AMBRA1: variants seen among roughly 807,000 people sequenced by gnomAD.
The protein encoded by AMBRA1 is activating molecule in BECN1-regulated autophagy protein 1.
In AMBRA1, 47 loss-of-function variants were observed where a neutral mutation model predicts 125.4. That is an observed-to-expected ratio of 0.37 (90% CI 0.30 to 0.48). The LOEUF (loss-of-function observed/expected upper bound fraction) is 0.48, where lower values mean the gene tolerates loss of function less well. Among genes scored for constraint, AMBRA1 ranks in the 20% least tolerant of loss-of-function variants. AMBRA1 has a pLI of 0.99. For synonymous variants in AMBRA1, 626 were observed against 655.5 expected (o/e 0.95, Z 0.69); for missense variants, 1,331 against 1,693.4 (o/e 0.79, Z 3.76).
At chr11:46,573,707 G>A (rs2043851808) in intron 1 of AMBRA1, among the ~76,000 whole-genome samples, 1 of 145,282 alleles carries the variant, frequency 6.9e-6, no homozygotes, top group Non-Finnish European at 1.5e-5. Context: ...GGGTACATGT[G>A]CATATTGTGC....
At chr11:46,444,815 T>C (rs1325859053) in intron 11 of AMBRA1, among the ~76,000 whole-genome samples, 1 of 152,160 alleles carries the variant, frequency 6.6e-6, no homozygotes. Flanking sequence ...AGAGAAAACC[T>C]TCATAGAAGC....
chr11:46,521,019 C>T (rs1951739787), intron 7 of AMBRA1, among the ~76,000 whole-genome samples: 1 of 152,148 alleles, frequency 6.6e-6, no homozygotes, highest in Non-Finnish European at 1.5e-5. Context: ...TTATCCCCAT[C>T]AAAACTCACA....
chr11:46,491,057 A>G (rs941724938), intron 11 of AMBRA1: 5 of 152,236 alleles, frequency 3.3e-5, no homozygotes, highest in African/African-American at 1.2e-4. Flanking sequence ...GAGGGCAAGA[A>G]GGCTCAGGAA....
intron 7 of AMBRA1, among the ~76,000 whole-genome samples, chr11:46,524,633 C>T (rs1951891355): frequency 6.6e-6 from 1 of 152,170 alleles, no homozygotes; most frequent in African/African-American, 2.4e-5. Flanking sequence ...TCTTATTTCA[C>T]ATGGTTATTA....
chr11:46,555,018 G>A lies in AMBRA1; in HGVS notation c.-120-6518C>T, dbSNP rs2043122166. On this transcript the variant is annotated intron_variant, in intron 1 of 17. Transcript: ENST00000683756. ...GTCCAGGAGGTCAAGACTACAGTGA[G>A]CCATGATTGCACCGCTGCACTCTTC... 2.6e-5 allele frequency among the ~76,000 whole-genome samples: 4 copies of A among 152,206 alleles called. No homozygotes were observed. In the South Asian group the frequency reaches 8.3e-4, roughly 32 times the overall value.
At chr11:46,448,484 T>C (rs1245465544) in intron 11 of AMBRA1, among the ~76,000 whole-genome samples, 3 of 152,204 alleles carry the variant, frequency 2.0e-5, no homozygotes, top group Non-Finnish European at 4.4e-5. Flanking sequence ...GGGAAATTTA[T>C]AGCATTGAAT....
intron 17 of AMBRA1, among the ~76,000 whole-genome samples, chr11:46,405,492 G>A (rs190014132): frequency 6.6e-6 from 1 of 152,262 alleles, no homozygotes; most frequent in East Asian, 1.9e-4. Flanking sequence ...GCCAAGAAGG[G>A]AGGCTTGCTT....
intron 11 of AMBRA1, among the ~76,000 whole-genome samples, chr11:46,445,726 C>G (rs549880208): frequency 1.3e-5 from 2 of 152,292 alleles, no homozygotes; most frequent in South Asian, 4.1e-4. Flanking sequence ...TGACACCCTC[C>G]TTTGACCACT....
At chr11:46,556,558 T>C (rs2043161829) in intron 1 of AMBRA1, among the ~76,000 whole-genome samples, 1 of 152,200 alleles carries the variant, frequency 6.6e-6, no homozygotes, top group African/African-American at 2.4e-5. Context: ...ATTGTTATTA[T>C]CCATAACATC....
chr11:46,486,917 AT>A (rs1439777164), intron 11 of AMBRA1, among the ~76,000 whole-genome samples: 1 of 118,692 alleles, frequency 8.4e-6, no homozygotes, highest in East Asian at 2.2e-4. Context: ...ACATAAATAA[AT>A]AAATAAATAA....
intron 7 of AMBRA1, among the ~76,000 whole-genome samples, chr11:46,525,287 T>A (rs1951919518): frequency 6.6e-6 from 1 of 150,984 alleles, no homozygotes; most frequent in South Asian, 2.1e-4. Flanking sequence ...GGCAACCGAT[T>A]GAAACCCTGT....
chr11:46,515,473 AAAACAAAC>A (rs147206577), intron 7 of AMBRA1, among the ~76,000 whole-genome samples: 158 of 151,376 alleles, frequency 1.0e-3, no homozygotes, highest in Middle Eastern at 3.4e-3. Flanking sequence ...ACTGCATCTC[AAAACAAAC>A]AAACAAACAA....
chr11:46,401,599 C>T (rs758292133), intron 17 of AMBRA1, among the ~76,000 whole-genome samples: 27 of 152,200 alleles, frequency 1.8e-4, no homozygotes, highest in Non-Finnish European at 3.1e-4. Flanking sequence ...GGTGCTGCTG[C>T]AGCCAAGCCC....
rs12574147 is a variant in AMBRA1 at position 46,545,164 on chromosome 11, G to C, written c.551+440C>G. ...TCCTTAAAAAAAAAAAAAAAGCCGG[G>C]GGGGGGGGGGTGGTGGTGGGCATGG... On this transcript the variant is annotated intron_variant, in intron 5 of 17. Transcript: ENST00000683756. Among the ~76,000 whole-genome samples the C allele has an allele frequency of 4.9e-3, 489 of 100,104 alleles. 1 individual carries two copies. Among genetic ancestry groups the C allele is most frequent in the Non-Finnish European group, 5.8e-3 (259 of 45,038 alleles). 65.7% of individuals were successfully genotyped at this position (100,104 alleles called of 152,430 possible).
chr11:46,543,080 G>A lies in AMBRA1; in HGVS notation c.937C>T (p.Arg313Cys), dbSNP rs529103848. 1.0e-5 allele frequency: 16 copies of A among 1,593,308 alleles called. No individual in the cohort carries two copies. The African/African-American group carries it at 1.3e-4, about 13-fold the overall frequency. The change falls in exon 7 of 18, where the codon CGC becomes TGC. Residue 313 changes from arginine to cysteine, a missense_variant. Arg to Cys is a radical substitution (Grantham distance 180). Coordinates refer to ENST00000683756, the MANE Select transcript of AMBRA1 (RefSeq NM_001387011.1). ...QHLGILCLCS[R>C]CSGTRVPSLL... ...GAAGGAACTCGAGTGCCAGAGCAGC[G>A]GCTGCAAAGGCACAGGATCCCAAGG...
chr11:46,483,888 T>G (rs1950168266), intron 11 of AMBRA1, among the ~76,000 whole-genome samples: 1 of 151,746 alleles, frequency 6.6e-6, no homozygotes, highest in Non-Finnish European at 1.5e-5. Flanking sequence ...AGACTCTGTC[T>G]CGAAAAGAAA....
chr11:46,555,148 C>T (rs1359480447), intron 1 of AMBRA1, among the ~76,000 whole-genome samples: 1 of 152,118 alleles, frequency 6.6e-6, no homozygotes, highest in Non-Finnish European at 1.5e-5. Flanking sequence ...ACTCCCACTC[C>T]CAATAACATG....
intron 1 of AMBRA1, among the ~76,000 whole-genome samples, chr11:46,584,561 G>T (rs560309178): frequency 1.1e-4 from 17 of 151,540 alleles, no homozygotes; most frequent in African/African-American, 4.1e-4. Context: ...AAAAACAAAT[G>T]AATGACTGAA....
rs753049310 is a variant in AMBRA1 at position 46,397,442 on chromosome 11, G to C, written c.*8C>G. ...GTTCGAGGGGAGGCACCAGTGCAACGTTTGTCTCTACCTGTTCCGTGGTTC... is the reference window on the plus strand; with the variant it reads ...GTTCGAGGGGAGGCACCAGTGCAACCTTTGTCTCTACCTGTTCCGTGGTTC... On this transcript the variant is annotated 3_prime_UTR_variant, in exon 18 of 18. Transcript: ENST00000683756. The C allele has an allele frequency of 2.7e-5, 40 of 1,487,970 alleles. 1 individual carries two copies. In the South Asian group the frequency reaches 4.7e-4, roughly 18 times the overall value. 92.2% of individuals were successfully genotyped at this position (1,487,970 alleles called of 1,614,324 possible).
Sources: gnomAD v4.1 joint callset for allele counts (sites outside exome capture counted in the v4.1 genomes callset) on GRCh38, gnomAD v4.1.1 for gene constraint, MANE v1.5 for transcripts, NCBI Gene and HGNC (gene_info 2026-07-23, HGNC 2026-07-21) for gene names.